Variants in XPR1 observed in about 807,000 individuals in gnomAD.
XPR1 encodes solute carrier family 53 member 1.
Under a neutral mutation model 87.5 loss-of-function variants are expected in XPR1, and 28 were observed. That is an observed-to-expected ratio of 0.32 (90% CI 0.24 to 0.44). The LOEUF (loss-of-function observed/expected upper bound fraction) is 0.44. Ranked by LOEUF, XPR1 falls within the 20% of genes least tolerant of loss-of-function variation. The pLI is 1.00. For missense variants in XPR1, 559 were observed against 862.3 expected (o/e 0.65, Z 4.41); for synonymous variants, 300 against 306.1 (o/e 0.98, Z 0.21).
chr1:180,634,545 C>G (rs879291452), intron 1 of XPR1, among the ~76,000 whole-genome samples: 2 of 152,092 alleles, frequency 1.3e-5, no homozygotes, highest in African/African-American at 4.8e-5. Flanking sequence ...TAAAAATTCT[C>G]TAGAGAAAAG....
chr1:180,781,161 G>A (rs1327356176), intron 2 of XPR1, among the ~76,000 whole-genome samples: 2 of 151,374 alleles, frequency 1.3e-5, no homozygotes, highest in Admixed American at 1.3e-4. Flanking sequence ...AATTGTTGGA[G>A]TGTTGTTTTT....
chr1:180,659,340 C>T (rs914264667), intron 1 of XPR1, among the ~76,000 whole-genome samples: 4 of 127,610 alleles, frequency 3.1e-5, no homozygotes, highest in Admixed American at 1.6e-4. Flanking sequence ...TCCTTCCTTC[C>T]GTCCTTCCTT....
intron 1 of XPR1, among the ~76,000 whole-genome samples, chr1:180,659,830 T>C (rs183747083): frequency 1.1e-3 from 162 of 152,208 alleles, no homozygotes; most frequent in African/African-American, 3.7e-3. Flanking sequence ...TTTTCTTTTT[T>C]TGATGGGGTC....
At chr1:180,864,378 C>T (rs910303162) in intron 12 of XPR1, among the ~76,000 whole-genome samples, 3 of 152,084 alleles carry the variant, frequency 2.0e-5, no homozygotes, top group Non-Finnish European at 2.9e-5. Context: ...ACCATTATAG[C>T]AGTTATCACA....
chr1:180,723,646 C>T (rs1658245570), intron 2 of XPR1, among the ~76,000 whole-genome samples: 1 of 152,162 alleles, frequency 6.6e-6, no homozygotes, highest in South Asian at 2.1e-4. Flanking sequence ...ATAGTCTCTT[C>T]CTTTTCTCTT....
intron 2 of XPR1, among the ~76,000 whole-genome samples, chr1:180,699,312 C>G (rs1292874590): frequency 1.5e-4 from 19 of 125,856 alleles, no homozygotes; most frequent in Admixed American, 1.2e-3. Flanking sequence ...GCGCTGCACC[C>G]ACTAACGTGT....
intron 2 of XPR1, among the ~76,000 whole-genome samples, chr1:180,784,770 T>A (rs1170778808): frequency 6.6e-6 from 1 of 152,000 alleles, no homozygotes; most frequent in Non-Finnish European, 1.5e-5. Flanking sequence ...TGAAGCCTCC[T>A]TTATTGTAAT....
intron 2 of XPR1, among the ~76,000 whole-genome samples, chr1:180,751,378 T>C (rs898088815): frequency 2.6e-5 from 4 of 152,086 alleles, no homozygotes; most frequent in African/African-American, 9.6e-5. Context: ...TTACAGTTTT[T>C]CTAATAAAGC....
At chr1:180,744,588 C>T (rs1292992463) in intron 2 of XPR1, among the ~76,000 whole-genome samples, 1 of 149,444 alleles carries the variant, frequency 6.7e-6, no homozygotes, top group African/African-American at 2.5e-5. Flanking sequence ...TTAGAAGATT[C>T]AAGGTCTTGC....
At chr1:180,753,864 C>G (rs983691774) in intron 2 of XPR1, among the ~76,000 whole-genome samples, 1 of 152,150 alleles carries the variant, frequency 6.6e-6, no homozygotes, top group African/African-American at 2.4e-5. Flanking sequence ...TTCACAACTG[C>G]TGTTCTTATA....
chr1:180,862,609 A>G (rs1424149225), intron 11 of XPR1, among the ~76,000 whole-genome samples: 4 of 152,150 alleles, frequency 2.6e-5, no homozygotes, highest in African/African-American at 9.6e-5. Flanking sequence ...CAAATTTATC[A>G]ATTTATAATG....
chr1:180,740,661 T>G (rs1049129749), intron 2 of XPR1, among the ~76,000 whole-genome samples: 2 of 152,220 alleles, frequency 1.3e-5, no homozygotes, highest in African/African-American at 4.8e-5. Context: ...CAGGATAGTA[T>G]TGACGTCCTA....
intron 1 of XPR1, 127 bp downstream of exon 1, chr1:180,632,397 G>T: frequency 7.9e-7 from 1 of 1,271,440 alleles, no homozygotes. Flanking sequence ...GCTGCCGCGG[G>T]GAGCCACTGC....
At chr1:180,865,183 CT>C (rs917752872) in intron 12 of XPR1, among the ~76,000 whole-genome samples, 1 of 151,988 alleles carries the variant, frequency 6.6e-6, no homozygotes, top group African/African-American at 2.4e-5. Flanking sequence ...TGACAGTGAT[CT>C]TTTTTACCTA....
At chr1:180,814,000 C>T (rs771332019) in intron 7 of XPR1, among the ~76,000 whole-genome samples, 10 of 152,182 alleles carry the variant, frequency 6.6e-5, no homozygotes, top group South Asian at 2.1e-4. Flanking sequence ...CACTGTCATA[C>T]TTAACTATTC....
At chr1:180,862,360 A>C (rs1652251213) in intron 11 of XPR1, among the ~76,000 whole-genome samples, 1 of 152,090 alleles carries the variant, frequency 6.6e-6, no homozygotes, top group Admixed American at 6.6e-5. Flanking sequence ...CACTAGATGT[A>C]GGTAACTTGT....
At chr1:180,716,514 T>C (rs1253460360) in intron 2 of XPR1, among the ~76,000 whole-genome samples, 1 of 152,238 alleles carries the variant, frequency 6.6e-6, no homozygotes, top group Admixed American at 6.5e-5. Flanking sequence ...TATTATTTCC[T>C]TGCTCTGTGC....
intron 11 of XPR1, among the ~76,000 whole-genome samples, chr1:180,860,303 A>G (rs1456312063): frequency 2.0e-5 from 3 of 152,152 alleles, no homozygotes; most frequent in Non-Finnish European, 2.9e-5. Context: ...ACAGTTTGAA[A>G]GATTTTCATA....
chr1:180,698,921 C>T (rs1657257335), intron 2 of XPR1, among the ~76,000 whole-genome samples: 1 of 148,626 alleles, frequency 6.7e-6, no homozygotes, highest in Admixed American at 6.8e-5. Flanking sequence ...ACAATTTTCT[C>T]TTGATGTTTT....
Sources: gnomAD v4.1 joint callset for allele counts (sites outside exome capture counted in the v4.1 genomes callset) on GRCh38, gnomAD v4.1.1 for gene constraint, MANE v1.5 for transcripts, NCBI Gene and HGNC (gene_info 2026-07-23, HGNC 2026-07-21) for gene names.